ROBO1: variants seen among roughly 807,000 people sequenced by gnomAD.
The protein encoded by ROBO1 is roundabout homolog 1.
ROBO1 carries 149 observed loss-of-function variants against 195.9 expected under a neutral mutation model. The observed-to-expected ratio is 0.76, with a 90% CI of 0.67 to 0.87. The LOEUF (loss-of-function observed/expected upper bound fraction) is 0.87. Among genes scored for constraint, ROBO1 ranks in the 40% least tolerant of loss-of-function variants. The pLI is 0.00. For synonymous variants in ROBO1, 816 were observed against 733.2 expected (o/e 1.11, Z -1.82); for missense variants, 1,933 against 2,068.3 (o/e 0.93, Z 1.27).
At chr3:78,790,378 T>C (rs2083980693) in intron 4 of ROBO1, among the ~76,000 whole-genome samples, 1 of 152,212 alleles carries the variant, frequency 6.6e-6, no homozygotes, top group Non-Finnish European at 1.5e-5. Flanking sequence ...GTATATTATA[T>C]ATTTTGATAC....
chr3:78,654,685 G>T (rs1236212699), intron 18 of ROBO1, among the ~76,000 whole-genome samples: 1 of 152,140 alleles, frequency 6.6e-6, no homozygotes, highest in Non-Finnish European at 1.5e-5. Flanking sequence ...TTGTCTCACT[G>T]CAGCTGAGCC....
At chr3:78,693,398 T>A (rs1197216468) in intron 8 of ROBO1, 38 of 1,355,256 alleles carry the variant, frequency 2.8e-5, no homozygotes, top group Non-Finnish European at 3.9e-5. Flanking sequence ...TAAATAAAAA[T>A]AAGGAAACAT....
chr3:78,789,720 T>C (rs2083959064), intron 4 of ROBO1, among the ~76,000 whole-genome samples: 1 of 152,202 alleles, frequency 6.6e-6, no homozygotes, highest in South Asian at 2.1e-4. Context: ...AGTTTTCCAG[T>C]GCTAGAAGGA....
At chr3:78,886,106 A>G (rs1292183742) in intron 4 of ROBO1, among the ~76,000 whole-genome samples, 4 of 151,692 alleles carry the variant, frequency 2.6e-5, no homozygotes, top group Non-Finnish European at 5.9e-5. Context: ...TATGTCAAAT[A>G]TTTAACCAGT....
chr3:79,735,224 T>C (rs1354516240), intron 1 of ROBO1, among the ~76,000 whole-genome samples: 2 of 152,198 alleles, frequency 1.3e-5, no homozygotes, highest in Non-Finnish European at 2.9e-5. Context: ...TTACTTCAAA[T>C]AGGTCTCTAA....
intron 5 of ROBO1, among the ~76,000 whole-genome samples, chr3:78,722,019 A>G (rs960922825): frequency 1.3e-5 from 2 of 152,130 alleles, no homozygotes; most frequent in African/African-American, 2.4e-5. Context: ...GCTGAGGTAA[A>G]CCAAAATTCA....
intron 25 of ROBO1, among the ~76,000 whole-genome samples, chr3:78,629,049 A>C (rs1705005415): frequency 6.6e-6 from 1 of 151,674 alleles, no homozygotes; most frequent in South Asian, 2.1e-4. Context: ...TAAGCAAAAC[A>C]CTCGAGTATC....
rs369651966 is a variant in ROBO1, at chr3:79,540,905, C to T, written c.88+48919G>A. On this transcript the variant is annotated intron_variant, in intron 2 of 30. Transcript: ENST00000464233. ...TTTAAAAATATTTGAGCAAATACTA[C>T]CACAAGTATTCAACACATAATTATT... Among the ~76,000 whole-genome samples, 5 of 152,004 alleles carry T rather than the reference C, an allele frequency of 3.3e-5. No homozygotes were observed. In the East Asian group the frequency reaches 5.8e-4, roughly 18 times the overall value.
At chr3:79,333,207 A>G (rs958200182) in intron 2 of ROBO1, among the ~76,000 whole-genome samples, 1 of 117,166 alleles carries the variant, frequency 8.5e-6, no homozygotes, top group Non-Finnish European at 2.0e-5. Flanking sequence ...ACTCTGTCTA[A>G]AAAAAAAAAA....
At chr3:79,658,304 G>A (rs1380277310) in intron 1 of ROBO1, among the ~76,000 whole-genome samples, 1 of 152,044 alleles carries the variant, frequency 6.6e-6, no homozygotes, top group East Asian at 1.9e-4. Context: ...GTTACAGAAC[G>A]AATGGTTAAT....
chr3:78,803,790 A>G (rs1334805946), intron 4 of ROBO1, among the ~76,000 whole-genome samples: 1 of 151,262 alleles, frequency 6.6e-6, no homozygotes, highest in Non-Finnish European at 1.5e-5. Flanking sequence ...GCTTCTTTTG[A>G]AAAAAAAAGC....
chr3:78,735,769 T>C (rs373232329), intron 5 of ROBO1, among the ~76,000 whole-genome samples: 9 of 152,116 alleles, frequency 5.9e-5, no homozygotes, highest in East Asian at 3.9e-4. Flanking sequence ...TGTTGTTGAG[T>C]TTTTTGTTAA....
intron 1 of ROBO1, among the ~76,000 whole-genome samples, chr3:79,624,755 C>G (rs1261719670): frequency 6.6e-6 from 1 of 151,962 alleles, no homozygotes; most frequent in African/African-American, 2.4e-5. Flanking sequence ...TACTGGGAGA[C>G]TTTAACACCC....
At chr3:79,631,829 C>T (rs1207322866) in intron 1 of ROBO1, among the ~76,000 whole-genome samples, 2 of 151,994 alleles carry the variant, frequency 1.3e-5, no homozygotes, top group East Asian at 1.9e-4. Context: ...CATGAACAGA[C>T]ATTCCTCAAA....
chr3:79,528,434 C>T (rs890296469), intron 2 of ROBO1, among the ~76,000 whole-genome samples: 14 of 152,160 alleles, frequency 9.2e-5, no homozygotes, highest in Non-Finnish European at 1.5e-4. Flanking sequence ...ACATTTGCTT[C>T]ATCTGCATTT....
rs58888334 is a variant in ROBO1, at chr3:79,178,550, G to A, written c.89-53011C>T. On this transcript the variant is annotated intron_variant, in intron 2 of 30. Transcript: ENST00000464233. ...GAAACCCACAGTGTCACAGATGGCT[G>A]TCAGAATAAAATGAAGCATGAGTCT... Among the ~76,000 whole-genome samples, 317 of 152,292 alleles carry A rather than the reference G, an allele frequency of 2.1e-3. 4 individuals carry two copies. Among genetic ancestry groups the A allele is most frequent in the African/African-American group, 6.6e-3 (274 of 41,576 alleles).
chr3:79,400,193 C>T (rs1340764376), intron 2 of ROBO1, among the ~76,000 whole-genome samples: 2 of 151,992 alleles, frequency 1.3e-5, no homozygotes, highest in Admixed American at 1.3e-4. Context: ...TGCATTATTT[C>T]CTAGACATAA....
chr3:79,559,853 G>A (rs1942843854), intron 2 of ROBO1, among the ~76,000 whole-genome samples: 1 of 152,184 alleles, frequency 6.6e-6, no homozygotes, highest in South Asian at 2.1e-4. Flanking sequence ...GGAGGTGGAG[G>A]TTTCAGTGAG....
chr3:79,479,341 C>T (rs918472501), intron 2 of ROBO1, among the ~76,000 whole-genome samples: 9 of 152,138 alleles, frequency 5.9e-5, no homozygotes, highest in Admixed American at 4.6e-4. Flanking sequence ...CAGGCTAGAT[C>T]CCTCGCATGC....
Sources: allele counts gnomAD v4.1 joint callset (sites outside exome capture counted in the v4.1 genomes callset), GRCh38; gene constraint gnomAD v4.1.1; transcripts MANE v1.5; gene names NCBI Gene and HGNC (gene_info 2026-07-23, HGNC 2026-07-21).